The following PSD3 variants were observed in gnomAD, a reference collection of about 807,000 sequenced individuals.
PSD3 encodes PH and SEC7 domain-containing protein 3.
PSD3 carries 49 observed loss-of-function variants against 105.5 expected under a neutral mutation model. The ratio of observed to expected loss-of-function variants is 0.46; its 90% confidence interval spans 0.37 to 0.59. The LOEUF (loss-of-function observed/expected upper bound fraction) is 0.59, where lower values mean the gene tolerates loss of function less well. Among genes scored for constraint, PSD3 ranks in the 20% least tolerant of loss-of-function variants. The probability of loss-of-function intolerance (pLI) is 0.00; values close to 1 mark genes in which losing one functional copy is unlikely to be tolerated. For missense variants in PSD3, 1,561 were observed against 1,263.8 expected (o/e 1.24, Z -3.57); for synonymous variants, 557 against 457.8 (o/e 1.22, Z -2.77).
intron 15 of PSD3, among the ~76,000 whole-genome samples, chr8:18,540,870 G>C (rs574227821): frequency 6.6e-6 from 1 of 151,980 alleles, no homozygotes; most frequent in African/African-American, 2.4e-5. Flanking sequence ...CCCCTTTCCC[G>C]TGGCCCAGTC....
chr8:18,722,483 A>C (rs1181944183), intron 9 of PSD3, among the ~76,000 whole-genome samples: 1 of 152,222 alleles, frequency 6.6e-6, no homozygotes, highest in Non-Finnish European at 1.5e-5. Context: ...GTTTCCCTTC[A>C]AGTGAGTAAT....
At chr8:18,545,812 T>C (rs1800420843) in intron 15 of PSD3, among the ~76,000 whole-genome samples, 2 of 152,170 alleles carry the variant, frequency 1.3e-5, no homozygotes, top group African/African-American at 4.8e-5. Context: ...TCAGCTTGTG[T>C]GTCACACTCA....
At chr8:18,759,789 T>C (rs1806359553) in intron 9 of PSD3, among the ~76,000 whole-genome samples, 1 of 152,084 alleles carries the variant, frequency 6.6e-6, no homozygotes, top group South Asian at 2.1e-4. Context: ...TTTGCCAGGA[T>C]CTTCTTGTCA....
chr8:18,569,232 T>C (rs1266878426), intron 14 of PSD3, among the ~76,000 whole-genome samples: 6 of 130,874 alleles, frequency 4.6e-5, no homozygotes, highest in Non-Finnish European at 6.5e-5. Flanking sequence ...AGTAATGGGA[T>C]GGCTGGGTCA....
chr8:18,871,169 G>C (rs916722709), intron 3 of PSD3, among the ~76,000 whole-genome samples: 3 of 152,184 alleles, frequency 2.0e-5, no homozygotes, highest in Admixed American at 2.0e-4. Flanking sequence ...ATACATGTAT[G>C]TCGGCTGGAC....
At chr8:18,754,152 G>C (rs1216404914) in intron 9 of PSD3, among the ~76,000 whole-genome samples, 2 of 152,188 alleles carry the variant, frequency 1.3e-5, no homozygotes, top group African/African-American at 2.4e-5. Context: ...GGGAAGCCGA[G>C]GTGGGTGGAT....
chr8:19,053,417 A>G (rs1017669422), intron 1 of PSD3, among the ~76,000 whole-genome samples: 36 of 152,232 alleles, frequency 2.4e-4, no homozygotes, highest in African/African-American at 8.0e-4. Flanking sequence ...TGATTTAGAG[A>G]AAGCTTCATT....
intron 9 of PSD3, among the ~76,000 whole-genome samples, chr8:18,723,362 T>C (rs916984694): frequency 1.3e-5 from 2 of 152,236 alleles, no homozygotes; most frequent in Non-Finnish European, 2.9e-5. Context: ...TGTGCATATA[T>C]GGATTTAATT....
intron 9 of PSD3, among the ~76,000 whole-genome samples, chr8:18,751,691 C>T (rs1175805949): frequency 6.7e-6 from 1 of 150,204 alleles, no homozygotes; most frequent in Admixed American, 6.6e-5. Flanking sequence ...CTTAACACAC[C>T]TCATCATATT....
At chr8:18,593,948 G>T (rs1270889129) in intron 12 of PSD3, among the ~76,000 whole-genome samples, 1 of 112,460 alleles carries the variant, frequency 8.9e-6, no homozygotes, top group Non-Finnish European at 1.7e-5. Context: ...CACAGGAAGG[G>T]GAACATCACA....
chr8:18,585,285 G>C (rs1803095446), intron 12 of PSD3, among the ~76,000 whole-genome samples: 1 of 152,094 alleles, frequency 6.6e-6, no homozygotes, highest in South Asian at 2.1e-4. Flanking sequence ...TTGTGAAAAG[G>C]GAGGAAAATA....
At position 18,535,776 on chromosome 8, in the gene PSD3, A is replaced by G. The variant is rs946415373; in HGVS notation, c.3111T>C (p.Pro1037=). 1 of 1,613,842 alleles carries G rather than the reference A, an allele frequency of 6.2e-7. No individual in the cohort carries two copies. Among genetic ancestry groups the G allele is most frequent in the African/African-American group, 1.3e-5 (1 of 74,884 alleles). The part of the protein sequence containing the change: ...RNVSERKDHR[P]ETPSIKQKVT The stretch of plus-strand genomic sequence containing the variant: ...CTTTTTGCTTAATGCTTGGTGTTTC[A>G]GGTCGGTGATCCTTCCTCTCTGACA... Residue 1037 remains proline, a synonymous_variant, in exon 16 of 16, where the codon CCT becomes CCC. Transcript: ENST00000327040.
intron 4 of PSD3, among the ~76,000 whole-genome samples, chr8:18,846,951 C>T (rs1281263065): frequency 3.3e-5 from 5 of 152,150 alleles, no homozygotes; most frequent in African/African-American, 1.2e-4. Context: ...AGGAAAACCC[C>T]AGGCCCCACC....
chr8:18,943,954 C>A (rs1822708715), intron 1 of PSD3, among the ~76,000 whole-genome samples: 1 of 151,904 alleles, frequency 6.6e-6, no homozygotes, highest in South Asian at 2.1e-4. Context: ...GGAAAACCTA[C>A]AAAATTAAGT....
intron 8 of PSD3, among the ~76,000 whole-genome samples, chr8:18,796,329 C>T (rs1453135071): frequency 1.3e-5 from 2 of 152,134 alleles, no homozygotes; most frequent in African/African-American, 4.8e-5. Context: ...CTAATGAGGT[C>T]AGCCTAGCCA....
intron 9 of PSD3, among the ~76,000 whole-genome samples, chr8:18,745,643 G>A (rs753990065): frequency 3.9e-5 from 6 of 152,166 alleles, no homozygotes; most frequent in Non-Finnish European, 8.8e-5. Context: ...TAGAAACCAA[G>A]GTCTGGAAGC....
chr8:18,591,344 C>G (rs77419350), intron 12 of PSD3, among the ~76,000 whole-genome samples: 6,126 of 152,138 alleles, frequency 0.04, 313 homozygotes, highest in East Asian at 0.21. Context: ...AATTGGAATA[C>G]TGAGGGAACT....
intron 15 of PSD3, among the ~76,000 whole-genome samples, chr8:18,544,171 C>CAAAAAAAAA (rs201016537): frequency 4.3e-4 from 46 of 106,646 alleles, no homozygotes; most frequent in East Asian, 2.3e-3. Flanking sequence ...AGAAACAAAC[C>CAAAAAAAAA]AAAAAAAAAA....
chr8:18,802,047 T>C (rs543336851), intron 6 of PSD3, among the ~76,000 whole-genome samples: 23 of 152,224 alleles, frequency 1.5e-4, no homozygotes, highest in Non-Finnish European at 2.9e-4. Flanking sequence ...AGGGTGCTTC[T>C]GTCATTTTGT....
Sources: allele counts gnomAD v4.1 joint callset (sites outside exome capture counted in the v4.1 genomes callset), GRCh38; gene constraint gnomAD v4.1.1; transcripts MANE v1.5; gene names NCBI Gene and HGNC (gene_info 2026-07-23, HGNC 2026-07-21).